The following SCAPER variants were observed in gnomAD, a reference collection of about 807,000 sequenced individuals.
The protein encoded by SCAPER is S-phase cyclin A associated protein in the ER, also known as S phase cyclin A-associated protein in the endoplasmic reticulum.
Under a neutral mutation model 182.2 loss-of-function variants are expected in SCAPER, and 98 were observed. That is an observed-to-expected ratio of 0.54 (90% CI 0.46 to 0.64). The LOEUF (loss-of-function observed/expected upper bound fraction) is 0.64, where lower values mean the gene tolerates loss of function less well. Ranked by LOEUF, SCAPER falls within the 30% of genes least tolerant of loss-of-function variation. The probability of loss-of-function intolerance (pLI) is 0.00; values close to 1 mark genes in which losing one functional copy is unlikely to be tolerated. For synonymous variants in SCAPER, 605 were observed against 564.6 expected (o/e 1.07, Z -1.01); for missense variants, 1,432 against 1,690.0 (o/e 0.85, Z 2.68).
intron 5 of SCAPER, among the ~76,000 whole-genome samples, chr15:76,810,551 CCACACACACACA>C (rs67252250): frequency 7.5e-6 from 1 of 133,454 alleles, no homozygotes; most frequent in Admixed American, 7.4e-5. Context: ...AAAAAAAAAA[CCACACACACACA>C]CACACACACA....
intron 5 of SCAPER, among the ~76,000 whole-genome samples, chr15:76,826,361 A>G (rs1360327307): frequency 1.4e-5 from 2 of 139,706 alleles, no homozygotes; most frequent in African/African-American, 5.4e-5. Flanking sequence ...GAACTGAACA[A>G]TGAGAACACA....
chr15:76,361,688 A>G (rs902622037), intron 29 of SCAPER, among the ~76,000 whole-genome samples: 1 of 152,246 alleles, frequency 6.6e-6, no homozygotes, highest in Non-Finnish European at 1.5e-5. Context: ...AAAGTTGCCT[A>G]GAATCATTTG....
intron 20 of SCAPER, among the ~76,000 whole-genome samples, chr15:76,686,831 T>C (rs1351689461): frequency 1.3e-5 from 2 of 151,982 alleles, no homozygotes; most frequent in African/African-American, 4.8e-5. Context: ...TGTAAAGCAA[T>C]AAACAACCAA....
chr15:76,650,605 A>G (rs1465902370), intron 21 of SCAPER, among the ~76,000 whole-genome samples: 1 of 152,092 alleles, frequency 6.6e-6, no homozygotes, highest in Non-Finnish European at 1.5e-5. Context: ...GAAGAAACAA[A>G]TGGAACAATA....
At chr15:76,889,575 A>C (rs1025049678) in intron 1 of SCAPER, among the ~76,000 whole-genome samples, 6 of 152,242 alleles carry the variant, frequency 3.9e-5, no homozygotes, top group Non-Finnish European at 5.9e-5. Flanking sequence ...AAGACAAAGA[A>C]GGCCATTACA....
At chr15:76,511,843 A>ATGTGTGTGTGTGTGTGTGTG (rs1555461783) in intron 23 of SCAPER, among the ~76,000 whole-genome samples, 31 of 123,270 alleles carry the variant, frequency 2.5e-4, no homozygotes, top group African/African-American at 9.7e-4. Flanking sequence ...ATATATATAT[A>ATGTGTGTGTGTGTGTGTGTG]TGTGTGTGTG....
chr15:76,350,870 C>G (rs2040499837), intron 31 of SCAPER: 1 of 163,916 alleles, frequency 6.1e-6, no homozygotes. Flanking sequence ...GGAACCAAAC[C>G]TATGTGATTT....
At chr15:76,718,961 T>C (rs1390461880) in intron 17 of SCAPER, among the ~76,000 whole-genome samples, 1 of 152,154 alleles carries the variant, frequency 6.6e-6, no homozygotes, top group Non-Finnish European at 1.5e-5. Context: ...AGAGTGTGGC[T>C]TGGTACAGCC....
intron 4 of SCAPER, among the ~76,000 whole-genome samples, chr15:76,853,254 G>C (rs2070956943): frequency 6.6e-6 from 1 of 152,134 alleles, no homozygotes; most frequent in Admixed American, 6.5e-5. Context: ...GATATACAAA[G>C]AAAAGCTGGT....
rs114827780 is a variant in SCAPER, at chr15:76,689,412, A to C, written c.2508+12346T>G. Among the ~76,000 whole-genome samples, 511 of 152,282 alleles carry C rather than the reference A, an allele frequency of 3.4e-3. 1 individual carries two copies. Among genetic ancestry groups the C allele is most frequent in the African/African-American group, 0.011 (450 of 41,574 alleles). ...AATCAGAAAACAGAAAACAGATTTT[A>C]ATGATTTTAAAGAGGCTACTTACTA... On this transcript the variant is annotated intron_variant, in intron 20 of 31. Transcript: ENST00000563290.
chr15:76,870,792 G>A (rs1394261192), intron 2 of SCAPER, among the ~76,000 whole-genome samples: 3 of 152,018 alleles, frequency 2.0e-5, no homozygotes, highest in Non-Finnish European at 4.4e-5. Context: ...ACAAAAATGG[G>A]ATTAGAGCAC....
intron 27 of SCAPER, 70 bp downstream of exon 27, chr15:76,404,454 C>A: frequency 6.8e-7 from 1 of 1,481,040 alleles, no homozygotes; most frequent in Non-Finnish European, 9.1e-7. Context: ...ATGAAATGAC[C>A]CTAGAATGGG....
At chr15:76,787,312 C>T (rs1171961141) in intron 8 of SCAPER, among the ~76,000 whole-genome samples, 3 of 152,092 alleles carry the variant, frequency 2.0e-5, no homozygotes, top group Non-Finnish European at 4.4e-5. Context: ...CAGAAATACA[C>T]CCACGCTTAT....
At chr15:76,664,402 A>AT in intron 21 of SCAPER, among the ~76,000 whole-genome samples, 1 of 152,322 alleles carries the variant, frequency 6.6e-6, no homozygotes, top group East Asian at 1.9e-4. Context: ...CAGATCAAGG[A>AT]TGACTTTAAT....
At chr15:76,725,820 T>C (rs763286015) in intron 17 of SCAPER, among the ~76,000 whole-genome samples, 5 of 151,768 alleles carry the variant, frequency 3.3e-5, no homozygotes, top group Non-Finnish European at 7.4e-5. Context: ...CCTTACCTTA[T>C]ACGATATACA....
intron 25 of SCAPER, among the ~76,000 whole-genome samples, chr15:76,436,363 C>T (rs1338450252): frequency 2.6e-5 from 4 of 152,128 alleles, no homozygotes; most frequent in South Asian, 2.1e-4. Flanking sequence ...CCACTGCAGC[C>T]GGCCTTCTGA....
At chr15:76,832,311 A>G (rs2068553905) in intron 5 of SCAPER, among the ~76,000 whole-genome samples, 1 of 152,250 alleles carries the variant, frequency 6.6e-6, no homozygotes, top group African/African-American at 2.4e-5. Flanking sequence ...GAAATGAAAA[A>G]TTCACTACAG....
chr15:76,671,476 A>G (rs138661442), intron 20 of SCAPER, among the ~76,000 whole-genome samples: 6 of 152,116 alleles, frequency 3.9e-5, no homozygotes, highest in Non-Finnish European at 8.8e-5. Flanking sequence ...TATTCCCACA[A>G]CCTCCAAATA....
intron 1 of SCAPER, among the ~76,000 whole-genome samples, chr15:76,899,945 T>TTA (rs2074672943): frequency 6.6e-6 from 1 of 152,228 alleles, no homozygotes; most frequent in South Asian, 2.1e-4. Context: ...TGTTACTGTG[T>TTA]CTGTGTAGAA....
Sources: gnomAD v4.1 joint callset for allele counts (sites outside exome capture counted in the v4.1 genomes callset) on GRCh38, gnomAD v4.1.1 for gene constraint, MANE v1.5 for transcripts, NCBI Gene and HGNC (gene_info 2026-07-23, HGNC 2026-07-21) for gene names.